The following HECW2 variants were observed in gnomAD, a reference collection of about 807,000 sequenced individuals.
HECW2 encodes the protein HECT, C2 and WW domain containing E3 ubiquitin protein ligase 2.
Under a neutral mutation model 175.2 loss-of-function variants are expected in HECW2, and 61 were observed. The observed-to-expected ratio is 0.35, with a 90% CI of 0.28 to 0.43. The LOEUF is 0.43. Ranked by LOEUF, HECW2 falls within the 20% of genes least tolerant of loss-of-function variation. The probability of loss-of-function intolerance (pLI) is 1.00; values close to 1 mark genes in which losing one functional copy is unlikely to be tolerated. For missense variants in HECW2, 1,524 were observed against 2,000.5 expected (o/e 0.76, Z 4.54); for synonymous variants, 671 against 731.0 (o/e 0.92, Z 1.32).
At chr2:196,458,657 A>G (rs1696615246) in intron 1 of HECW2, among the ~76,000 whole-genome samples, 1 of 151,830 alleles carries the variant, frequency 6.6e-6, no homozygotes, top group Admixed American at 6.6e-5. Context: ...CACGAGGTCA[A>G]GAGATCGAGA....
At position 196,215,886 on chromosome 2, in the gene HECW2, C is replaced by T. The variant is rs1190671885; in HGVS notation, c.4586G>A (p.Gly1529Glu). Residue 1529 changes from glycine to glutamate, a missense_variant, in exon 28 of 29, where the codon GGG (glycine) becomes GAG (glutamate). Physicochemically the swap from Gly to Glu is moderately conservative, Grantham distance 98. Around this residue, in one of 11 missense-constraint regions of HECW2, gnomAD observed 134 missense variants for 287.8 expected, o/e 0.47. Transcript: ENST00000644978. ...GPRRFCVEKW[G>E]KITALPRAHT... ...TTACCTGGGAAGAGCAGTGATTTTCCCCCATTTCTCCACACAGAATCTTCT... is the reference window on the plus strand; with the variant it reads ...TTACCTGGGAAGAGCAGTGATTTTCTCCCATTTCTCCACACAGAATCTTCT... 7 of 1,612,018 alleles carry T rather than the reference C, an allele frequency of 4.3e-6. No homozygotes were observed. The highest frequency in any genetic ancestry group is 5.9e-6 in the Non-Finnish European group (7 of 1,178,300).
rs531920307 is a variant in HECW2, at chr2:196,278,133, A to AAAAAAAATATATATATATAT, written c.3135+394_3135+395insATATATATATATATTTTTTT. On this transcript the variant is annotated intron_variant, in intron 15 of 28. Transcript: ENST00000644978. ...CCTAGAACTTAAAGTATAATTAAAA[A>AAAAAAAATATATATATATAT]ATATATATATATATATATAAAGAAA... Among the ~76,000 whole-genome samples the AAAAAAAATATATATATATAT allele has an allele frequency of 2.6e-4, 17 of 66,550 alleles. 1 individual carries two copies. The highest frequency in any genetic ancestry group is 5.8e-4 in the African/African-American group (14 of 24,280). 43.7% of individuals were successfully genotyped at this position (66,550 alleles called of 152,430 possible). A position where few individuals can be genotyped will look rare whatever the true frequency, so the allele number is the denominator to read the frequency against.
At chr2:196,251,307 G>A (rs1305233946) in intron 19 of HECW2, among the ~76,000 whole-genome samples, 1 of 152,134 alleles carries the variant, frequency 6.6e-6, no homozygotes, top group East Asian at 1.9e-4. Context: ...CTCTGTCTCA[G>A]CTCATCCCTT....
intron 2 of HECW2, among the ~76,000 whole-genome samples, chr2:196,391,797 C>G (rs1694518508): frequency 6.6e-6 from 1 of 152,168 alleles, no homozygotes; most frequent in African/African-American, 2.4e-5. Context: ...AAGCCATCCT[C>G]CCTCCAAAGG....
intron 15 of HECW2, among the ~76,000 whole-genome samples, chr2:196,277,070 T>C (rs1371239338): frequency 1.3e-5 from 2 of 152,138 alleles, no homozygotes; most frequent in Non-Finnish European, 2.9e-5. Flanking sequence ...ACAATGTAAA[T>C]CAAGTGATGG....
At chr2:196,270,724 CA>C (rs1689698489) in intron 17 of HECW2, among the ~76,000 whole-genome samples, 1 of 148,792 alleles carries the variant, frequency 6.7e-6, no homozygotes, top group African/African-American at 2.5e-5. Context: ...TTTTTTGAGA[CA>C]AAGTCTCACT....
chr2:196,541,714 T>C (rs937524307), intron 1 of HECW2, among the ~76,000 whole-genome samples: 1 of 148,878 alleles, frequency 6.7e-6, no homozygotes, highest in African/African-American at 2.5e-5. Flanking sequence ...AAGATCCCTA[T>C]AAGAAAACAT....
At chr2:196,483,381 C>T (rs959859859) in intron 1 of HECW2, among the ~76,000 whole-genome samples, 1 of 152,162 alleles carries the variant, frequency 6.6e-6, no homozygotes, top group Non-Finnish European at 1.5e-5. Context: ...AAGACAGACA[C>T]AAAAATTGAC....
chr2:196,304,719 T>C (rs954965168), intron 13 of HECW2, among the ~76,000 whole-genome samples: 2 of 152,242 alleles, frequency 1.3e-5, no homozygotes, highest in Non-Finnish European at 2.9e-5. Flanking sequence ...CTGCCTTGCA[T>C]GAAAGCCTGT....
intron 2 of HECW2, among the ~76,000 whole-genome samples, chr2:196,387,625 C>T (rs992314496): frequency 1.3e-5 from 2 of 152,060 alleles, no homozygotes; most frequent in African/African-American, 4.8e-5. Context: ...AACAAAAACA[C>T]AAAACTTAAA....
At chr2:196,299,925 T>C (rs1291079701) in intron 13 of HECW2, among the ~76,000 whole-genome samples, 1 of 80,980 alleles carries the variant, frequency 1.2e-5, no homozygotes, top group Non-Finnish European at 3.2e-5. Context: ...CGAAACTCTG[T>C]CTCAAAAAAA....
chr2:196,256,947 G>A (rs1393438348), intron 18 of HECW2, among the ~76,000 whole-genome samples: 1 of 152,228 alleles, frequency 6.6e-6, no homozygotes, highest in Non-Finnish European at 1.5e-5. Context: ...CACATGGGAG[G>A]TCAGAAATAT....
intron 27 of HECW2, among the ~76,000 whole-genome samples, chr2:196,216,638 G>A (rs970426156): frequency 6.6e-6 from 1 of 151,972 alleles, no homozygotes; most frequent in African/African-American, 2.4e-5. Context: ...TCAACTAACT[G>A]CATCCCTTTT....
rs373948618 is a variant in HECW2 at position 196,479,321 on chromosome 2, T to C, written c.-35-45863A>G. ...AAAAACAACAAGGAGCAATAATTTATGTTTGGCAGCAAGATTGCATGCTCT... is the reference window on the plus strand; with the variant it reads ...AAAAACAACAAGGAGCAATAATTTACGTTTGGCAGCAAGATTGCATGCTCT... On this transcript the variant is annotated intron_variant, in intron 1 of 28. Transcript: ENST00000644978. Among the ~76,000 whole-genome samples, 3 of 152,336 alleles carry C rather than the reference T, an allele frequency of 2.0e-5. No individual in the cohort carries two copies. In the East Asian group the frequency reaches 5.8e-4, roughly 29 times the overall value.
intron 1 of HECW2, among the ~76,000 whole-genome samples, chr2:196,569,225 T>C (rs1690289634): frequency 6.6e-6 from 1 of 152,052 alleles, no homozygotes; most frequent in African/African-American, 2.4e-5. Context: ...ATCTGTAACC[T>C]TGGCTACTCA....
chr2:196,377,199 C>T (rs971564770), intron 2 of HECW2, among the ~76,000 whole-genome samples: 7 of 152,096 alleles, frequency 4.6e-5, no homozygotes, highest in African/African-American at 7.2e-5. Context: ...CTGAGAATCC[C>T]GAAGAGAGAG....
intron 21 of HECW2, among the ~76,000 whole-genome samples, chr2:196,232,096 T>A (rs1458811557): frequency 6.6e-6 from 1 of 152,238 alleles, no homozygotes; most frequent in Non-Finnish European, 1.5e-5. Flanking sequence ...TCAGCCATGG[T>A]CATTCTCTGT....
intron 1 of HECW2, among the ~76,000 whole-genome samples, chr2:196,466,646 G>C (rs1696966268): frequency 6.6e-6 from 1 of 152,196 alleles, no homozygotes; most frequent in African/African-American, 2.4e-5. Flanking sequence ...GAAGAGTTTA[G>C]AGAGGAAAGG....
intron 2 of HECW2, among the ~76,000 whole-genome samples, chr2:196,416,325 T>C (rs898423467): frequency 4.6e-5 from 7 of 152,170 alleles, no homozygotes; most frequent in African/African-American, 1.7e-4. Flanking sequence ...TGTGCTGCAC[T>C]AAAAAGGAAA....
Sources: gnomAD v4.1 joint callset for allele counts (sites outside exome capture counted in the v4.1 genomes callset) on GRCh38, gnomAD v4.1.1 for gene constraint, gnomAD v4.1.1 regional missense constraint, MANE v1.5 for transcripts, NCBI Gene and HGNC (gene_info 2026-07-23, HGNC 2026-07-21) for gene names.